The following TUBGCP2 variants were observed in gnomAD, a reference collection of about 807,000 sequenced individuals.
TUBGCP2 encodes the protein tubulin gamma complex component 2, also known as gamma-tubulin complex component 2.
In TUBGCP2, 55 loss-of-function variants were observed where a neutral mutation model predicts 92.2. The observed-to-expected ratio is 0.60, with a 90% CI of 0.48 to 0.75. The LOEUF (loss-of-function observed/expected upper bound fraction) is 0.75. Ranked by LOEUF, TUBGCP2 falls within the 30% of genes least tolerant of loss-of-function variation. The pLI is 0.00. For missense variants in TUBGCP2, 1,093 were observed against 1,188.9 expected, an observed-to-expected ratio of 0.92 and a Z score of 1.19; for synonymous variants, 533 against 505.2, an observed-to-expected ratio of 1.06 and a Z score of -0.74.
In TUBGCP2 at chr10:133,285,345, G is replaced by A; in HGVS notation, c.1895+111C>T. On this transcript the variant is annotated intron_variant, in intron 12 of 17. Transcript: ENST00000252936. The surrounding 1 kb of genome is among the most constrained non-coding windows in gnomAD (Gnocchi z 6.8). ...AATCTCTCGGACACTGAAGGCCGGG[G>A]AGAGCCGCCTTGGGTCCTCTGTGGG... 2 of 1,587,850 alleles carry A rather than the reference G, an allele frequency of 1.3e-6. No individual in the cohort carries two copies. The highest frequency in any genetic ancestry group is 1.7e-4 in the Middle Eastern group (1 of 6,020).
chr10:133,308,843 C>G lies in TUBGCP2; in HGVS notation c.-60G>C. ...CTCACCGCAGTCCCGGAGCCACAGC[C>G]CCCGCGCAGCCCCCGACGGCGGCGG... On this transcript the variant is annotated 5_prime_UTR_variant, in exon 1 of 18. Coordinates refer to ENST00000252936, the MANE Select transcript of TUBGCP2 (RefSeq NM_006659.4). 9.6e-7 allele frequency: 1 copy of G among 1,046,454 alleles called. No individual in the cohort carries two copies. Among genetic ancestry groups the G allele is most frequent in the Non-Finnish European group, 1.2e-6 (1 of 830,270 alleles). 64.8% of individuals were successfully genotyped at this position (1,046,454 alleles called of 1,614,324 possible).
At chr10:133,293,009 C>T (rs374416158) in intron 7 of TUBGCP2, 30 bp downstream of exon 7, 3 of 1,607,658 alleles carry the variant, frequency 1.9e-6, no homozygotes, top group Non-Finnish European at 2.5e-6. Context: ...CCACCCACCA[C>T]TGCCCCATGC....
chr10:133,292,560 C>T lies in TUBGCP2; in HGVS notation c.1153G>A (p.Ala385Thr), dbSNP rs1218499479. The change falls in exon 8 of 18, where the codon GCT (alanine) becomes ACT (threonine). Residue 385 changes from alanine to threonine, a missense_variant. Physicochemically the swap from Ala to Thr is moderately conservative, Grantham distance 58. Coordinates refer to ENST00000252936, the MANE Select transcript of TUBGCP2 (RefSeq NM_006659.4). ...LCLYLTKAASAPYFEVLEKWI... is the reference protein window; with the variant it reads ...LCLYLTKAASTPYFEVLEKWI... ...TTCTCCAGAACCTCGAAGTAGGGAGCACTGGCCGCCTTGGTTAGGTACAGG... is the reference window on the plus strand; with the variant it reads ...TTCTCCAGAACCTCGAAGTAGGGAGTACTGGCCGCCTTGGTTAGGTACAGG... 2 of 1,614,130 alleles carry T rather than the reference C, an allele frequency of 1.2e-6. No homozygotes were observed. Among genetic ancestry groups the T allele is most frequent in the Non-Finnish European group, 1.7e-6 (2 of 1,180,012 alleles).
At chr10:133,286,823 C>T (rs1041688420) in intron 11 of TUBGCP2, among the ~76,000 whole-genome samples, 4 of 152,184 alleles carry the variant, frequency 2.6e-5, no homozygotes, top group African/African-American at 9.7e-5. Context: ...ATCAGAAACA[C>T]CTCCAGACAA....
chr10:133,297,824 A>T, intron 5 of TUBGCP2, 128 bp downstream of exon 5: 1 of 1,370,402 alleles, frequency 7.3e-7, no homozygotes, highest in Non-Finnish European at 9.9e-7. Flanking sequence ...GGCCCGGGGG[A>T]GGGCTGGGCC....
chr10:133,286,861 C>T (rs968876465), intron 11 of TUBGCP2, among the ~76,000 whole-genome samples: 4 of 152,066 alleles, frequency 2.6e-5, no homozygotes, highest in Non-Finnish European at 5.9e-5. Flanking sequence ...AGGGGATCAG[C>T]GAAGGCTGCA....
upstream of TUBGCP2, chr10:133,308,934 G>A (rs948423707): frequency 2.5e-6 from 3 of 1,221,480 alleles, no homozygotes; most frequent in African/African-American, 4.7e-5. Context: ...GCCCGCCCGC[G>A]CCCGGGGTGA....
chr10:133,309,561 G>C (rs534118943), upstream of TUBGCP2: 231 of 1,425,088 alleles, frequency 1.6e-4, 4 homozygotes, highest in South Asian at 2.2e-3. Context: ...TCCATGTGCG[G>C]CCGCCCCACC....
chr10:133,308,961 G>A (rs1302117515), upstream of TUBGCP2: 6 of 1,239,256 alleles, frequency 4.8e-6, no homozygotes, highest in East Asian at 3.2e-5. Context: ...TGCCCCCCGC[G>A]CTGTGCGCCC....
At position 133,282,976 on chromosome 10, in the gene TUBGCP2, A is replaced by G. The variant is rs953193382; in HGVS notation, c.2289+102T>C. On this transcript the variant is annotated intron_variant, in intron 15 of 17. Coordinates refer to ENST00000252936, the MANE Select transcript of TUBGCP2 (RefSeq NM_006659.4). ...AGATCCCAGCGGCTCCTCCACGAAC[A>G]CAAGGGCAGGAAAACGTGAGCAGGC... 2.7e-6 allele frequency: 4 copies of G among 1,494,300 alleles called. No homozygotes were observed. The African/African-American group carries it at 5.5e-5, about 21-fold the overall frequency. The allele number at this position is 1,494,300 out of a possible 1,614,324, so 92.6% of individuals were successfully genotyped here. A position where few individuals can be genotyped will look rare whatever the true frequency, so the allele number is the denominator to read the frequency against.
intron 14 of TUBGCP2, 70 bp from the exon 15 acceptor site, chr10:133,283,291 C>T: frequency 6.2e-7 from 1 of 1,601,762 alleles, no homozygotes; most frequent in Non-Finnish European, 8.5e-7. Context: ...TGCGCACGTG[C>T]TCAGTTCTGG....
rs1477469294 is a variant in TUBGCP2, at chr10:133,281,303, C to G, written c.2543G>C (p.Cys848Ser). ...ARLSIYSTSD[C>S]EHGMASVISR... The stretch of plus-strand genomic sequence containing the variant: ...GATGACGCTGGCCATGCCGTGCTCA[C>G]AGTCACTGGTGCTATAGATGCTCAG... Residue 848 changes from cysteine (C) to serine (S), a missense_variant, in exon 17 of 18, where the codon TGT becomes TCT. This residue lies in a region of TUBGCP2 where 598 missense variants were observed against 675.5 expected (regional missense o/e 0.89). Coordinates refer to ENST00000252936, the MANE Select transcript of TUBGCP2 (RefSeq NM_006659.4). 9 of 1,612,622 alleles carry G rather than the reference C, an allele frequency of 5.6e-6. No homozygotes were observed. Among genetic ancestry groups the G allele is most frequent in the African/African-American group, 1.3e-5 (1 of 74,886 alleles).
upstream of TUBGCP2, chr10:133,312,279 A>G (rs1349727721): frequency 4.0e-6 from 5 of 1,238,390 alleles, no homozygotes; most frequent in Admixed American, 4.2e-5. Flanking sequence ...CATGACCTGT[A>G]CTGTCTGCCT....
chr10:133,308,567 G>A (rs1209037965), intron 1 of TUBGCP2: 1 of 160,140 alleles, frequency 6.2e-6, no homozygotes, highest in African/African-American at 2.4e-5. Context: ...CCAGGGCTGG[G>A]AGGGGACACC....
intron 2 of TUBGCP2, 138 bp from the exon 3 acceptor site, chr10:133,300,251 T>A (rs145663980): frequency 4.9e-6 from 5 of 1,021,902 alleles, no homozygotes; most frequent in South Asian, 1.7e-5. Flanking sequence ...TGAAATAAAC[T>A]AACAAAACTC....
chr10:133,304,565 G>C (rs539633540), intron 1 of TUBGCP2, among the ~76,000 whole-genome samples: 9 of 152,336 alleles, frequency 5.9e-5, no homozygotes, highest in East Asian at 1.9e-4. Flanking sequence ...AGGGAGACAA[G>C]GATGAGCTCA....
At chr10:133,284,077 C>T (rs1478338797) in intron 13 of TUBGCP2, 75 bp from the exon 14 acceptor site, 5 of 1,574,702 alleles carry the variant, frequency 3.2e-6, no homozygotes, top group Admixed American at 1.8e-5. Flanking sequence ...ACACGGAGGA[C>T]GGAGGACAGC....
intron 1 of TUBGCP2, among the ~76,000 whole-genome samples, chr10:133,303,354 C>T (rs901554330): frequency 1.3e-5 from 2 of 152,262 alleles, no homozygotes; most frequent in African/African-American, 4.8e-5. Flanking sequence ...ATTCACCTGC[C>T]TCCAGCTTCC....
chr10:133,290,148 C>G (rs1847246765), intron 8 of TUBGCP2, 179 bp from the exon 9 acceptor site: 1 of 878,492 alleles, frequency 1.1e-6, no homozygotes, highest in Non-Finnish European at 1.7e-6. Context: ...TAAAACGAAC[C>G]TAGGGGCCGG....
Sources: allele counts gnomAD v4.1 joint callset (sites outside exome capture counted in the v4.1 genomes callset), GRCh38; gene constraint gnomAD v4.1.1; regional missense constraint gnomAD v4.1.1; non-coding constraint Gnocchi (gnomAD v3.1); transcripts MANE v1.5; gene names NCBI Gene and HGNC (gene_info 2026-07-23, HGNC 2026-07-21).